The following TPTE variants were observed in gnomAD, a reference collection of about 807,000 sequenced individuals.
TPTE encodes the protein transmembrane phosphatase with tensin homology, also known as putative tyrosine-protein phosphatase TPTE.
A neutral mutation model predicts 84.1 loss-of-function variants in TPTE; 59 were observed. That is an observed-to-expected ratio of 0.70 (90% CI 0.57 to 0.87). The LOEUF (loss-of-function observed/expected upper bound fraction) is 0.87, where lower values mean the gene tolerates loss of function less well. TPTE is among the 40% of genes least tolerant of loss of function. The pLI, the probability that TPTE is intolerant of heterozygous loss-of-function variation, is 0.00. For missense variants in TPTE, 382 were observed against 659.6 expected, an observed-to-expected ratio of 0.58 and a Z score of 4.61; for synonymous variants, 130 against 223.5, an observed-to-expected ratio of 0.58 and a Z score of 3.73.
intron 1 of TPTE, among the ~76,000 whole-genome samples, chr21:10,523,190 A>G (rs1386116358): frequency 6.6e-6 from 1 of 152,310 alleles, no homozygotes; most frequent in African/African-American, 2.4e-5. Context: ...AACTAGAGAG[A>G]TAGTCTCTGC....
chr21:10,581,311 GTTA>G (rs1157811591), intron 17 of TPTE, among the ~76,000 whole-genome samples: 7 of 152,372 alleles, frequency 4.6e-5, no homozygotes, highest in African/African-American at 1.7e-4. Flanking sequence ...AACCTAAAAT[GTTA>G]TTATTAAAGA....
At chr21:10,572,899 T>TAA (rs56370439) in intron 14 of TPTE, among the ~76,000 whole-genome samples, 4 of 149,296 alleles carry the variant, frequency 2.7e-5, no homozygotes, top group Admixed American at 6.7e-5. Context: ...CCACAAAGAT[T>TAA]AAAAAAAAAA....
intron 14 of TPTE, among the ~76,000 whole-genome samples, chr21:10,575,242 A>G (rs1216577996): frequency 6.6e-6 from 1 of 152,310 alleles, no homozygotes; most frequent in Non-Finnish European, 1.5e-5. Context: ...CTGGCTTGCC[A>G]GATCATGACC....
At chr21:10,554,126 ACAT>A (rs1236891321) in intron 8 of TPTE, among the ~76,000 whole-genome samples, 2 of 152,302 alleles carry the variant, frequency 1.3e-5, no homozygotes, top group Admixed American at 6.5e-5. Flanking sequence ...CTTATTAATG[ACAT>A]CATGGCTATA....
chr21:10,591,785 G>GT (rs1238051721), intron 18 of TPTE, among the ~76,000 whole-genome samples: 1 of 152,310 alleles, frequency 6.6e-6, no homozygotes, highest in Non-Finnish European at 1.5e-5. Context: ...TTTCTAAGGT[G>GT]TTTCTAGCTC....
At chr21:10,567,982 A>AAG (rs1460793088) in intron 11 of TPTE, among the ~76,000 whole-genome samples, 193 bp downstream of exon 11, 1 of 152,310 alleles carries the variant, frequency 6.6e-6, no homozygotes, top group Non-Finnish European at 1.5e-5. Flanking sequence ...GGGACCGGTG[A>AAG]AGAGTATACA....
intron 1 of TPTE, among the ~76,000 whole-genome samples, chr21:10,523,818 T>A (rs549448733): frequency 7.9e-5 from 12 of 152,422 alleles, no homozygotes; most frequent in Admixed American, 6.5e-4. Context: ...TACCCAGTAA[T>A]GGGATGGCTG....
In TPTE at chr21:10,605,708, T is replaced by C; in HGVS notation, c.*156T>C. On this transcript the variant is annotated 3_prime_UTR_variant, in exon 24 of 24. Transcript: ENST00000618007. The stretch of plus-strand genomic sequence containing the variant: ...TCTTCATAAATCTATTACATATATA[T>C]AGATAAAATGTCAGTGTCTTTCTTC... The C allele has an allele frequency of 1.5e-6, 2 of 1,327,282 alleles. No homozygotes were observed. Among genetic ancestry groups the C allele is most frequent in the Admixed American group, 3.2e-5 (1 of 30,950 alleles). The allele number at this position is 1,327,282 out of a possible 1,614,324, so 82.2% of individuals were successfully genotyped here.
intron 10 of TPTE, among the ~76,000 whole-genome samples, chr21:10,564,184 C>G (rs1452374702): frequency 6.6e-6 from 1 of 152,288 alleles, no homozygotes; most frequent in Non-Finnish European, 1.5e-5. Flanking sequence ...ACCCATTGCT[C>G]TGTTGCCTAC....
At chr21:10,600,448 A>G (rs1345596430) in intron 21 of TPTE, among the ~76,000 whole-genome samples, 3 of 152,256 alleles carry the variant, frequency 2.0e-5, no homozygotes, top group African/African-American at 2.4e-5. Flanking sequence ...CCATTTTTCT[A>G]ATTTCTACTT....
chr21:10,558,485 G>T (rs1473706847), intron 8 of TPTE, among the ~76,000 whole-genome samples: 2 of 152,306 alleles, frequency 1.3e-5, no homozygotes, highest in East Asian at 1.9e-4. Context: ...GTTTTGATTT[G>T]CATTTCTCTA....
At chr21:10,551,192 C>T (rs1200136572) in intron 7 of TPTE, among the ~76,000 whole-genome samples, 1 of 152,152 alleles carries the variant, frequency 6.6e-6, no homozygotes, top group Non-Finnish European at 1.5e-5. Flanking sequence ...AAGGACAAAA[C>T]ACCAAACATC....
At chr21:10,559,728 G>T (rs1233851022) in intron 9 of TPTE, among the ~76,000 whole-genome samples, 184 bp downstream of exon 9, 12 of 152,298 alleles carry the variant, frequency 7.9e-5, no homozygotes, top group Non-Finnish European at 1.3e-4. Context: ...ACAAAAATTA[G>T]CCAAGCATAA....
chr21:10,573,673 C>G (rs1459803004), intron 14 of TPTE, among the ~76,000 whole-genome samples: 2 of 152,306 alleles, frequency 1.3e-5, no homozygotes, highest in Non-Finnish European at 2.9e-5. Flanking sequence ...AGATATCCCT[C>G]TCTACCTTAT....
At chr21:10,564,781 C>G (rs1293125968) in intron 10 of TPTE, among the ~76,000 whole-genome samples, 4 of 152,306 alleles carry the variant, frequency 2.6e-5, no homozygotes, top group Non-Finnish European at 2.9e-5. Context: ...GCTGAAAAAG[C>G]ATTTGATAAA....
rs2074957877 is a variant in TPTE, at chr21:10,567,802, A to C, written c.566+13A>C. 1 of 1,612,404 alleles carries C rather than the reference A, an allele frequency of 6.2e-7. No homozygotes were observed. The highest frequency in any genetic ancestry group is 1.3e-5 in the African/African-American group (1 of 74,880). The stretch of plus-strand genomic sequence containing the variant: ...GGAATATTCCCAGGTATGAAACATA[A>C]GACTTACCTCTCTTAAAGTTTTTCA... On this transcript the variant is annotated intron_variant, in intron 11 of 23. Coordinates refer to ENST00000618007, the MANE Select transcript of TPTE (RefSeq NM_199261.4).
chr21:10,537,538 T>C (rs2074287611), intron 3 of TPTE, among the ~76,000 whole-genome samples: 2 of 152,184 alleles, frequency 1.3e-5, no homozygotes, highest in African/African-American at 2.4e-5. Context: ...ATTAGCCGGG[T>C]GTGGTGGCGG....
chr21:10,528,966 CA>C, intron 3 of TPTE, among the ~76,000 whole-genome samples: 4 of 152,424 alleles, frequency 2.6e-5, no homozygotes, highest in African/African-American at 9.6e-5. Context: ...GCAGGTGGAC[CA>C]CGAGGTCAGG....
At chr21:10,522,950 A>G (rs1427217931) in intron 1 of TPTE, among the ~76,000 whole-genome samples, 11 of 152,302 alleles carry the variant, frequency 7.2e-5, no homozygotes, top group African/African-American at 2.4e-5. Flanking sequence ...TCACAATCCT[A>G]TAAAATGATA....
Sources: gnomAD v4.1 joint callset for allele counts (sites outside exome capture counted in the v4.1 genomes callset) on GRCh38, gnomAD v4.1.1 for gene constraint, MANE v1.5 for transcripts, NCBI Gene and HGNC (gene_info 2026-07-23, HGNC 2026-07-21) for gene names.